Variants in FRYL observed in about 807,000 individuals in gnomAD.
FRYL encodes the protein FRY like transcription coactivator.
Under a neutral mutation model 351.2 loss-of-function variants are expected in FRYL, and 150 were observed. That is an observed-to-expected ratio of 0.43 (90% confidence interval 0.37 to 0.49). FRYL has a LOEUF of 0.49. Among genes scored for constraint, FRYL ranks in the 20% least tolerant of loss-of-function variants. The pLI is 0.00. For synonymous variants in FRYL, 1,153 were observed against 1,257.1 expected (o/e 0.92, Z 1.75); for missense variants, 3,036 against 3,619.3 (o/e 0.84, Z 4.13).
intron 19 of FRYL, among the ~76,000 whole-genome samples, chr4:48,584,534 C>CT (rs1741663095): frequency 6.6e-6 from 1 of 152,174 alleles, no homozygotes; most frequent in Admixed American, 6.5e-5. Context: ...TATTCTGTCT[C>CT]TAATAGCGGC....
chr4:48,514,212 AAC>A (rs779803381), intron 56 of FRYL, among the ~76,000 whole-genome samples: 11 of 152,170 alleles, frequency 7.2e-5, no homozygotes, highest in African/African-American at 1.2e-4. Context: ...TTTATATAAA[AAC>A]AGTTATCCAG....
chr4:48,584,736 A>G (rs1219220732), intron 19 of FRYL, among the ~76,000 whole-genome samples: 1 of 152,236 alleles, frequency 6.6e-6, no homozygotes, highest in Non-Finnish European at 1.5e-5. Flanking sequence ...TGGTTAATTA[A>G]AGGCAGGGGA....
At chr4:48,598,800 T>G (rs1384794185) in intron 13 of FRYL, 1 of 960,036 alleles carries the variant, frequency 1.0e-6, no homozygotes, top group Non-Finnish European at 1.2e-6. Flanking sequence ...TAAAGCAGTA[T>G]TTTACTTTGT....
Position 48,620,620 on chromosome 4 carries a change from T to G in FRYL, c.314+19A>C. On this transcript the variant is annotated intron_variant, in intron 6 of 63. Coordinates refer to ENST00000358350, the MANE Select transcript of FRYL (RefSeq NM_015030.2). ...AGTGTGTTAATTCCAGGTGAAACAGTGTAAAATAAAGCACTTACCCCTTAG... is the reference window on the plus strand; with the variant it reads ...AGTGTGTTAATTCCAGGTGAAACAGGGTAAAATAAAGCACTTACCCCTTAG... 5.0e-6 allele frequency: 8 copies of G among 1,601,242 alleles called. No homozygotes were observed. Among genetic ancestry groups the G allele is most frequent in the Non-Finnish European group, 6.8e-6 (8 of 1,171,558 alleles).
chr4:48,556,497 C>T (rs1734158319), intron 35 of FRYL, among the ~76,000 whole-genome samples: 1 of 152,198 alleles, frequency 6.6e-6, no homozygotes, highest in South Asian at 2.1e-4. Context: ...AGCTCACACT[C>T]ACCATCCTGT....
At chr4:48,507,887 G>A (rs539080904) in intron 59 of FRYL, among the ~76,000 whole-genome samples, 1 of 152,140 alleles carries the variant, frequency 6.6e-6, no homozygotes, top group African/African-American at 2.4e-5. Flanking sequence ...AGCAGCCCCT[G>A]GGAGACTGAG....
intron 1 of FRYL, among the ~76,000 whole-genome samples, chr4:48,769,104 A>T (rs1252875490): frequency 6.6e-6 from 1 of 152,234 alleles, no homozygotes; most frequent in African/African-American, 2.4e-5. Context: ...ACTGCACTCC[A>T]GCCTGAGTAA....
intron 23 of FRYL, 148 bp from the exon 24 acceptor site, chr4:48,576,370 T>G: frequency 1.7e-6 from 1 of 581,134 alleles, no homozygotes; most frequent in Non-Finnish European, 2.8e-6. Context: ...TGGCATAATC[T>G]TGGCTCACTG....
chr4:48,554,401 C>T (rs1416122107), intron 35 of FRYL, among the ~76,000 whole-genome samples: 3 of 151,740 alleles, frequency 2.0e-5, no homozygotes, highest in Non-Finnish European at 4.4e-5. Context: ...TGCAGTGGCA[C>T]CATCGTGGCT....
chr4:48,763,106 TAAAA>T (rs10683757), intron 1 of FRYL, among the ~76,000 whole-genome samples: 3 of 91,532 alleles, frequency 3.3e-5, no homozygotes, highest in East Asian at 3.5e-4. Flanking sequence ...TACAGATCTG[TAAAA>T]AAAAAAAAAA....
intron 59 of FRYL, among the ~76,000 whole-genome samples, chr4:48,507,574 T>C: frequency 6.6e-6 from 1 of 151,994 alleles, no homozygotes; most frequent in Non-Finnish European, 1.5e-5. Flanking sequence ...GTGAGCCCAA[T>C]ACCCGCCCCA....
At chr4:48,610,999 G>C (rs1264353540) in intron 7 of FRYL, among the ~76,000 whole-genome samples, 1 of 151,470 alleles carries the variant, frequency 6.6e-6, no homozygotes, top group Non-Finnish European at 1.5e-5. Context: ...AGTTCCACAG[G>C]AAAGACTCTG....
Position 48,545,053 on chromosome 4 carries a change from A to G in FRYL, c.5280-149T>C, listed in dbSNP as rs1475028434. 7 of 700,654 alleles carry G rather than the reference A, an allele frequency of 1.0e-5. No homozygotes were observed. The African/African-American group carries it at 1.3e-4, about 13-fold the overall frequency. 43.4% of individuals were successfully genotyped at this position (700,654 alleles called of 1,614,324 possible). The stretch of plus-strand genomic sequence containing the variant: ...TCTACTACTACTTAGGCACATGAAT[A>G]TGTAATGATCTACAGCAAGGAGAGA... On this transcript the variant is annotated intron_variant, in intron 42 of 63. Coordinates refer to ENST00000358350, the MANE Select transcript of FRYL (RefSeq NM_015030.2).
chr4:48,614,998 T>C (rs1443429219), intron 7 of FRYL, among the ~76,000 whole-genome samples: 2 of 151,850 alleles, frequency 1.3e-5, no homozygotes, highest in African/African-American at 2.4e-5. Context: ...GGCTAATTTT[T>C]TGTATTTTTA....
chr4:48,556,203 C>A (rs1734091518), intron 35 of FRYL, among the ~76,000 whole-genome samples: 1 of 152,144 alleles, frequency 6.6e-6, no homozygotes, highest in African/African-American at 2.4e-5. Flanking sequence ...CCTGTAAGAA[C>A]TTTTAGATAA....
rs370884525 is a variant in FRYL, at chr4:48,523,053, T to C, written c.7369A>G (p.Ser2457Gly). 2 of 1,613,956 alleles carry C rather than the reference T, an allele frequency of 1.2e-6. No homozygotes were observed. Among genetic ancestry groups the C allele is most frequent in the Middle Eastern group, 1.7e-4 (1 of 6,028 alleles). ...NWGVRRRSLD[S>G]IDKGDTPSLQ... Reference sequence around the variant, plus strand: ...GATGGAGTGTCCCCTTTGTCAATACTGTCCAGTGAGCGCCTGCGAACTCCC... The same window carrying C: ...GATGGAGTGTCCCCTTTGTCAATACCGTCCAGTGAGCGCCTGCGAACTCCC... Residue 2457 changes from serine (S) to glycine (G), a missense_variant, in exon 54 of 64, where the codon AGT (serine) becomes GGT (glycine). Around this residue, in one of 7 missense-constraint regions of FRYL, gnomAD observed 1,987 missense variants for 2,311.7 expected, o/e 0.86. Coordinates refer to ENST00000358350, the MANE Select transcript of FRYL (RefSeq NM_015030.2).
chr4:48,605,984 G>A (rs542630490), intron 10 of FRYL, 151 bp from the exon 11 acceptor site: 30 of 563,140 alleles, frequency 5.3e-5, no homozygotes, highest in Non-Finnish European at 7.5e-5. Context: ...GGCTGGGTGC[G>A]GTGGCTCACA....
At chr4:48,626,549 C>T (rs1326926560) in intron 4 of FRYL, among the ~76,000 whole-genome samples, 1 of 152,018 alleles carries the variant, frequency 6.6e-6, no homozygotes, top group Non-Finnish European at 1.5e-5. Flanking sequence ...TTTCTACCTA[C>T]TTGCCTTGCT....
At chr4:48,586,503 A>G (rs544954344) in intron 19 of FRYL, 118 bp downstream of exon 19, 28 of 628,186 alleles carry the variant, frequency 4.5e-5, no homozygotes, top group Admixed American at 8.6e-5. Context: ...TAAATCAGAT[A>G]AAGGATTAGA....
Sources: gnomAD v4.1 joint callset for allele counts (sites outside exome capture counted in the v4.1 genomes callset) on GRCh38, gnomAD v4.1.1 for gene constraint, gnomAD v4.1.1 regional missense constraint, MANE v1.5 for transcripts, NCBI Gene and HGNC (gene_info 2026-07-23, HGNC 2026-07-21) for gene names.